The following FGGY variants were observed in gnomAD, a reference collection of about 807,000 sequenced individuals.
FGGY encodes FGGY carbohydrate kinase domain-containing protein.
A neutral mutation model predicts 71.3 loss-of-function variants in FGGY; 72 were observed. That is an observed-to-expected ratio of 1.01 (90% confidence interval 0.84 to 1.23). The LOEUF (loss-of-function observed/expected upper bound fraction) is 1.23, where lower values mean the gene tolerates loss of function less well. FGGY is among the 50% of genes most tolerant of loss of function. The probability of loss-of-function intolerance (pLI) is 0.00; values close to 1 mark genes in which losing one functional copy is unlikely to be tolerated. For synonymous variants in FGGY, 251 were observed against 250.3 expected (o/e 1.00, Z -0.02); for missense variants, 668 against 682.3 (o/e 0.98, Z 0.23).
chr1:59,751,892 A>G (rs747751835), intron 14 of FGGY, among the ~76,000 whole-genome samples: 3 of 152,210 alleles, frequency 2.0e-5, no homozygotes, highest in Non-Finnish European at 4.4e-5. Flanking sequence ...TGTGAGGGTT[A>G]GTTTAAACTA....
intron 5 of FGGY, among the ~76,000 whole-genome samples, chr1:59,442,044 C>G (rs1199758374): frequency 6.6e-6 from 1 of 152,162 alleles, no homozygotes; most frequent in Non-Finnish European, 1.5e-5. Context: ...TCTGTTGTTC[C>G]TCTTAAATAT....
intron 5 of FGGY, among the ~76,000 whole-genome samples, chr1:59,448,384 G>A (rs1256745564): frequency 6.6e-6 from 1 of 152,164 alleles, no homozygotes; most frequent in African/African-American, 2.4e-5. Flanking sequence ...TTGGGCAGTA[G>A]GTGGTGGGAG....
chr1:59,616,632 A>G (rs2096757841), intron 9 of FGGY, among the ~76,000 whole-genome samples: 1 of 152,106 alleles, frequency 6.6e-6, no homozygotes, highest in Non-Finnish European at 1.5e-5. Context: ...AAAGTATAAT[A>G]AAAAAATAAA....
intron 8 of FGGY, among the ~76,000 whole-genome samples, chr1:59,594,332 A>G (rs1178209165): frequency 1.3e-5 from 2 of 152,346 alleles, no homozygotes; most frequent in East Asian, 1.9e-4. Flanking sequence ...TAGCTCTCAC[A>G]TGTTGATTAT....
intron 8 of FGGY, among the ~76,000 whole-genome samples, chr1:59,583,292 C>T (rs2096227348): frequency 7.0e-6 from 1 of 143,406 alleles, no homozygotes; most frequent in African/African-American, 2.7e-5. Flanking sequence ...CATTGGGAAG[C>T]TATAAGGGTG....
chr1:59,394,739 CT>C (rs2061120091), intron 5 of FGGY, among the ~76,000 whole-genome samples: 1 of 152,170 alleles, frequency 6.6e-6, no homozygotes, highest in Admixed American at 6.5e-5. Flanking sequence ...TGGACTATCA[CT>C]TTACATATTT....
At chr1:59,653,889 G>A (rs998103816) in intron 11 of FGGY, among the ~76,000 whole-genome samples, 6 of 152,072 alleles carry the variant, frequency 3.9e-5, no homozygotes, top group Non-Finnish European at 2.9e-5. Flanking sequence ...CTACTGTGTC[G>A]CTTGACTGAC....
intron 5 of FGGY, among the ~76,000 whole-genome samples, chr1:59,446,093 A>G (rs1328265969): frequency 6.6e-6 from 1 of 152,238 alleles, no homozygotes; most frequent in Non-Finnish European, 1.5e-5. Context: ...GGCACTAAGT[A>G]AGCTGTCACT....
chr1:59,761,253 C>G (rs1462381692), intron 15 of FGGY, among the ~76,000 whole-genome samples: 1 of 152,124 alleles, frequency 6.6e-6, no homozygotes, highest in African/African-American at 2.4e-5. Flanking sequence ...TGGAGTTCGC[C>G]TTTTAACCCT....
At chr1:59,371,424 A>G (rs2057609675) in intron 4 of FGGY, among the ~76,000 whole-genome samples, 1 of 152,162 alleles carries the variant, frequency 6.6e-6, no homozygotes, top group Non-Finnish European at 1.5e-5. Flanking sequence ...TTAGAGAACT[A>G]CAAAGAGACT....
chr1:59,392,059 A>G (rs1454467006), intron 5 of FGGY, among the ~76,000 whole-genome samples: 2 of 152,148 alleles, frequency 1.3e-5, no homozygotes, highest in African/African-American at 4.8e-5. Flanking sequence ...TAAGGGGTAC[A>G]TTCCTGGATC....
At chr1:59,356,142 G>T (rs189789361) in intron 4 of FGGY, among the ~76,000 whole-genome samples, 425 of 152,204 alleles carry the variant, frequency 2.8e-3, no homozygotes, top group Non-Finnish European at 4.4e-3. Context: ...CACCCAGCCT[G>T]CTACACTCAT....
At chr1:59,453,684 A>G (rs2091414446) in intron 5 of FGGY, among the ~76,000 whole-genome samples, 1 of 152,138 alleles carries the variant, frequency 6.6e-6, no homozygotes, top group Non-Finnish European at 1.5e-5. Context: ...GAATGATCTC[A>G]TGGCAGTGCC....
At chr1:59,522,419 T>A (rs2094859668) in intron 7 of FGGY, among the ~76,000 whole-genome samples, 2 of 152,122 alleles carry the variant, frequency 1.3e-5, no homozygotes, top group Non-Finnish European at 2.9e-5. Context: ...ATGAGAAAGT[T>A]GAGGCCCAGG....
At chr1:59,335,612 G>T (rs1198169025) in intron 2 of FGGY, among the ~76,000 whole-genome samples, 1 of 152,040 alleles carries the variant, frequency 6.6e-6, no homozygotes, top group African/African-American at 2.4e-5. Context: ...GTAAGATGTG[G>T]CTGTATTTTA....
chr1:59,550,800 T>C (rs892069950), intron 7 of FGGY, among the ~76,000 whole-genome samples: 1 of 152,114 alleles, frequency 6.6e-6, no homozygotes, highest in Non-Finnish European at 1.5e-5. Context: ...CATCATAAAG[T>C]GAGGAGTATA....
chr1:59,619,720 A>C (rs2096790038), intron 9 of FGGY, among the ~76,000 whole-genome samples: 1 of 152,068 alleles, frequency 6.6e-6, no homozygotes, highest in African/African-American at 2.4e-5. Context: ...GTGAAATGGA[A>C]ACCATTGGAG....
chr1:59,378,828 T>C lies in FGGY; in HGVS notation c.545T>C (p.Val182Ala). Reference sequence around the variant, plus strand: ...TTCTTATCGTGGAAGGCAACAGGTGTCACAGCACGGTATGTTAATTACAAG... The same window carrying C: ...TTCTTATCGTGGAAGGCAACAGGTGCCACAGCACGGTATGTTAATTACAAG... ...PDFLSWKATG[V>A]TARSLCSLVC... is the part of the protein sequence containing the mutation. The change falls in exon 5 of 16, where the codon GTC becomes GCC. Residue 182 changes from valine to alanine, a missense_variant. By Grantham distance (64) the Val-to-Ala change is moderately conservative. Coordinates refer to ENST00000303721, the MANE Select transcript of FGGY (RefSeq NM_018291.5). The C allele has an allele frequency of 6.2e-7, 1 of 1,612,862 alleles. No individual in the cohort carries two copies. The highest frequency in any genetic ancestry group is 1.1e-5 in the South Asian group (1 of 91,032).
intron 4 of FGGY, among the ~76,000 whole-genome samples, chr1:59,374,730 A>G (rs1452989362): frequency 1.3e-5 from 2 of 152,258 alleles, no homozygotes; most frequent in East Asian, 3.9e-4. Context: ...AGCCATAAAA[A>G]TGTTGAGTTC....
Sources: gnomAD v4.1 joint callset for allele counts (sites outside exome capture counted in the v4.1 genomes callset) on GRCh38, gnomAD v4.1.1 for gene constraint, MANE v1.5 for transcripts, NCBI Gene and HGNC (gene_info 2026-07-23, HGNC 2026-07-21) for gene names.